OSBPL3: variants seen among roughly 807,000 people sequenced by gnomAD.
OSBPL3 encodes the protein oxysterol binding protein like 3.
In OSBPL3, 65 loss-of-function variants were observed where a neutral mutation model predicts 120.1. The observed-to-expected ratio is 0.54, with a 90% CI of 0.44 to 0.67. The LOEUF (loss-of-function observed/expected upper bound fraction) is 0.67, where lower values mean the gene tolerates loss of function less well. Among genes scored for constraint, OSBPL3 ranks in the 30% least tolerant of loss-of-function variants. The pLI, the probability that OSBPL3 is intolerant of heterozygous loss-of-function variation, is 0.00. For missense variants in OSBPL3, 1,004 were observed against 1,082.1 expected (o/e 0.93, Z 1.01); for synonymous variants, 416 against 402.6 (o/e 1.03, Z -0.40).
intron 10 of OSBPL3, among the ~76,000 whole-genome samples, chr7:24,853,809 A>AT (rs1032085163): frequency 8.5e-5 from 13 of 152,218 alleles, no homozygotes; most frequent in Admixed American, 6.5e-5. Context: ...AAAACGAAGT[A>AT]TTTGGGTAAA....
chr7:24,911,757 A>G (rs2128419612), intron 1 of OSBPL3, among the ~76,000 whole-genome samples: 1 of 152,334 alleles, frequency 6.6e-6, no homozygotes, highest in African/African-American at 2.4e-5. Flanking sequence ...AGAAAAAGGG[A>G]TACAGGAAGT....
rs1410474414 is a variant in OSBPL3 at position 24,813,792 on chromosome 7, T to A, written c.2172+1267A>T. Among the ~76,000 whole-genome samples, 1 of 152,198 alleles carries A rather than the reference T, an allele frequency of 6.6e-6. No individual in the cohort carries two copies. The highest frequency in any genetic ancestry group is 1.5e-5 in the Non-Finnish European group (1 of 68,038). Reference sequence around the variant, plus strand: ...GGTCATGTTTTAAAGCTGTTTTAACTACATACAATTTTTAAGAGCAAGAAG... The same window carrying A: ...GGTCATGTTTTAAAGCTGTTTTAACAACATACAATTTTTAAGAGCAAGAAG... On this transcript the variant is annotated intron_variant, in intron 19 of 22. Coordinates refer to ENST00000313367, the MANE Select transcript of OSBPL3 (RefSeq NM_015550.4). The surrounding 1 kb of genome is among the most constrained non-coding windows in gnomAD (Gnocchi z 4.5).
rs1421521010 is a variant in OSBPL3 at position 24,834,259 on chromosome 7, C to T, written c.1746+227G>A. 1 of 1,348,446 alleles carries T rather than the reference C, an allele frequency of 7.4e-7. No homozygotes were observed. The highest frequency in any genetic ancestry group is 3.1e-5 in the East Asian group (1 of 32,520). The allele number at this position is 1,348,446 out of a possible 1,614,324, so 83.5% of individuals were successfully genotyped here. On this transcript the variant is annotated intron_variant, in intron 15 of 22. Transcript: ENST00000313367. The surrounding 1 kb of genome is among the most constrained non-coding windows in gnomAD (Gnocchi z 5.2). ...ACCCACAGAACAGAACTACCCCAGG[C>T]ACCAAGTGCCACGGAGAAGCACCCC...
chr7:24,878,462 T>C (rs1201449902), intron 2 of OSBPL3, among the ~76,000 whole-genome samples: 1 of 152,218 alleles, frequency 6.6e-6, no homozygotes, highest in East Asian at 1.9e-4. Context: ...TTTAAAGGCA[T>C]TCAAGATCTT....
intron 1 of OSBPL3, among the ~76,000 whole-genome samples, chr7:24,962,123 T>G (rs970619553): frequency 2.0e-5 from 3 of 151,396 alleles, no homozygotes; most frequent in Non-Finnish European, 4.4e-5. Flanking sequence ...GCCAACATGG[T>G]GAAACACCAT....
At chr7:24,944,076 T>TAAAAAAAAAAA (rs70942898) in intron 1 of OSBPL3, among the ~76,000 whole-genome samples, 1 of 118,692 alleles carries the variant, frequency 8.4e-6, no homozygotes, top group African/African-American at 3.4e-5. Context: ...CAGTCTAAAG[T>TAAAAAAAAAAA]AAAAAAAAAA....
rs70942886 is a variant in OSBPL3 at position 24,841,717 on chromosome 7, A to AAAAAAAAAAAAAAAAAAAAG, written c.1401+561_1401+562insCTTTTTTTTTTTTTTTTTTT. ...CTCAAAAAAAAAAAAAAAAAAAAAA[A>AAAAAAAAAAAAAAAAAAAAG]AAAAGAGGCCAGGCACAGTGGCTCA... On this transcript the variant is annotated intron_variant, in intron 13 of 22. Transcript: ENST00000313367. 5.6e-3 allele frequency among the ~76,000 whole-genome samples: 467 copies of AAAAAAAAAAAAAAAAAAAAG among 82,782 alleles called. 97 individuals carry two copies. Among genetic ancestry groups the AAAAAAAAAAAAAAAAAAAAG allele is most frequent in the Non-Finnish European group, 7.4e-3 (328 of 44,172 alleles). The allele number at this position is 82,782 out of a possible 152,430, so 54.3% of individuals were successfully genotyped here. A position where few individuals can be genotyped will look rare whatever the true frequency, so the allele number is the denominator to read the frequency against.
rs976144682 is a variant in OSBPL3, at chr7:24,947,526, C to A, written c.-150+32360G>T. 1.3e-5 allele frequency among the ~76,000 whole-genome samples: 2 copies of A among 152,070 alleles called. No homozygotes were observed. Among genetic ancestry groups the A allele is most frequent in the Non-Finnish European group, 2.9e-5 (2 of 68,026 alleles). On this transcript the variant is annotated intron_variant, in intron 1 of 22. Coordinates refer to ENST00000313367, the MANE Select transcript of OSBPL3 (RefSeq NM_015550.4). The surrounding 1 kb of genome is among the most constrained non-coding windows in gnomAD (Gnocchi z 4.4). ...TTCACAGAAACTACCTTTCCTCAGT[C>A]CCTATCAAGAAATGAATTTCAAAGT...
intron 16 of OSBPL3, among the ~76,000 whole-genome samples, chr7:24,829,817 T>TA (rs1796156994): frequency 6.6e-6 from 1 of 152,310 alleles, no homozygotes; most frequent in South Asian, 2.1e-4. Flanking sequence ...TTTAGGTAAA[T>TA]AATCCCCTGT....
Position 24,900,786 on chromosome 7 carries a change from G to A in OSBPL3, c.-149-8165C>T, listed in dbSNP as rs891879958. The stretch of plus-strand genomic sequence containing the variant: ...AGTTCAAGACCAGCCTGGGCAACAA[G>A]GCGAAACCCCCATCTTTACAAAAAA... On this transcript the variant is annotated intron_variant, in intron 1 of 22. Coordinates refer to ENST00000313367, the MANE Select transcript of OSBPL3 (RefSeq NM_015550.4). This position sits in a 1 kb window ranked among gnomAD's most constrained non-coding sequence, Gnocchi z 4.5. Among the ~76,000 whole-genome samples, 6 of 152,078 alleles carry A rather than the reference G, an allele frequency of 3.9e-5. No individual in the cohort carries two copies. The highest frequency in any genetic ancestry group is 1.4e-4 in the African/African-American group (6 of 41,388).
At chr7:24,928,881 T>C (rs6978389) in intron 1 of OSBPL3, among the ~76,000 whole-genome samples, 1,741 of 152,348 alleles carry the variant, frequency 0.011, 35 homozygotes, top group African/African-American at 0.039. Flanking sequence ...CATTTTGTTG[T>C]ATAAATGCAC....
chr7:24,866,534 G>A (rs566927961), intron 5 of OSBPL3, among the ~76,000 whole-genome samples: 26 of 152,204 alleles, frequency 1.7e-4, no homozygotes, highest in African/African-American at 4.3e-4. Flanking sequence ...TGAGCTACTC[G>A]GGAGGCTGAG....
At chr7:24,977,850 C>T (rs962583085) in intron 1 of OSBPL3, among the ~76,000 whole-genome samples, 5 of 152,046 alleles carry the variant, frequency 3.3e-5, no homozygotes, top group East Asian at 1.9e-4. Context: ...CGTGAGACTA[C>T]GTCTCAAAAA....
rs181269052 is a variant in OSBPL3, at chr7:24,933,152, G to A, written c.-149-40531C>T. Among the ~76,000 whole-genome samples, 1 of 152,216 alleles carries A rather than the reference G, an allele frequency of 6.6e-6. No individual in the cohort carries two copies. The highest frequency in any genetic ancestry group is 1.5e-5 in the Non-Finnish European group (1 of 68,046). ...TGCAGAACTGGGACCCAGCTGAGAG[G>A]GGGGTTCGCTGCTCAAGGTTAAAAT... On this transcript the variant is annotated intron_variant, in intron 1 of 22. Coordinates refer to ENST00000313367, the MANE Select transcript of OSBPL3 (RefSeq NM_015550.4). The surrounding 1 kb of genome is among the most constrained non-coding windows in gnomAD (Gnocchi z 5.1).
rs1796787542 is a variant in OSBPL3 at position 24,834,678 on chromosome 7, C to A, written c.1554G>T (p.Ala518=). 1 of 1,613,984 alleles carries A rather than the reference C, an allele frequency of 6.2e-7. No individual in the cohort carries two copies. Among genetic ancestry groups the A allele is most frequent in the Non-Finnish European group, 8.5e-7 (1 of 1,179,924 alleles). The change falls in exon 15 of 23, where the codon GCG becomes GCT. Residue 518 remains alanine (A), a synonymous_variant. Coordinates refer to ENST00000313367, the MANE Select transcript of OSBPL3 (RefSeq NM_015550.4). This position sits in a 1 kb window ranked among gnomAD's most constrained non-coding sequence, Gnocchi z 5.2. ...AKSRRRTCLP[A]PCPSSSNISL... Reference sequence around the variant, plus strand: ...TGATGTTACTGCTGCTCGGGCAGGGCGCCGGCAGGCACGTTCTTCTCCGGG... The same window carrying A: ...TGATGTTACTGCTGCTCGGGCAGGGAGCCGGCAGGCACGTTCTTCTCCGGG...
At chr7:24,882,777 T>A in intron 2 of OSBPL3, among the ~76,000 whole-genome samples, 1 of 151,566 alleles carries the variant, frequency 6.6e-6, no homozygotes, top group Admixed American at 6.5e-5. Context: ...TTGACTTATA[T>A]AAGATGATAT....
intron 1 of OSBPL3, among the ~76,000 whole-genome samples, chr7:24,920,302 C>T (rs1378806399): frequency 6.6e-6 from 1 of 151,974 alleles, no homozygotes; most frequent in African/African-American, 2.4e-5. Context: ...TTATTTCAGC[C>T]ATAAAAAGGA....
intron 10 of OSBPL3, among the ~76,000 whole-genome samples, chr7:24,858,975 G>A (rs965363668): frequency 1.3e-5 from 2 of 152,152 alleles, no homozygotes; most frequent in Non-Finnish European, 2.9e-5. Flanking sequence ...TGCCCTAATT[G>A]CAACTGATTA....
intron 14 of OSBPL3, among the ~76,000 whole-genome samples, chr7:24,838,665 T>C (rs1797314231): frequency 6.6e-6 from 1 of 152,190 alleles, no homozygotes. Context: ...GAACATTCCA[T>C]TAACTTTGTG....
Sources: gnomAD v4.1 joint callset for allele counts (sites outside exome capture counted in the v4.1 genomes callset) on GRCh38, gnomAD v4.1.1 for gene constraint, Gnocchi (gnomAD v3.1) non-coding constraint, MANE v1.5 for transcripts, NCBI Gene and HGNC (gene_info 2026-07-23, HGNC 2026-07-21) for gene names.